The following ANO3 variants were observed in gnomAD, a reference collection of about 807,000 sequenced individuals.
ANO3 encodes anoctamin 3, also known as anoctamin-3.
ANO3 carries 99 observed loss-of-function variants against 144.8 expected under a neutral mutation model. The observed-to-expected ratio is 0.68, with a 90% CI of 0.58 to 0.81. ANO3 has a LOEUF of 0.81. Among genes scored for constraint, ANO3 ranks in the 30% least tolerant of loss-of-function variants. The pLI is 0.00. For synonymous variants in ANO3, 414 were observed against 392.6 expected, an observed-to-expected ratio of 1.05 and a Z score of -0.64; for missense variants, 905 against 1,202.2, an observed-to-expected ratio of 0.75 and a Z score of 3.66.
intron 13 of ANO3, chr11:26,559,118 G>A (rs1590525842): frequency 6.6e-6 from 1 of 152,276 alleles, no homozygotes; most frequent in East Asian, 1.9e-4. Context: ...CATCCTTTAT[G>A]AAGTTTCAGT....
intron 1 of ANO3, among the ~76,000 whole-genome samples, chr11:26,288,660 GA>G (rs1346905549): frequency 6.6e-6 from 1 of 152,132 alleles, no homozygotes; most frequent in Admixed American, 6.5e-5. Flanking sequence ...AATAGGGAAA[GA>G]AAACACCTAA....
intron 11 of ANO3, among the ~76,000 whole-genome samples, chr11:26,544,251 C>CACATATATATA (rs1183023481): frequency 5.2e-5 from 2 of 38,480 alleles, no homozygotes; most frequent in African/African-American, 1.3e-4. Context: ...TTTCATTATA[C>CACATATATATA]ATATATATAT....
chr11:26,196,281 AT>A (rs1177294542), intron 1 of ANO3, among the ~76,000 whole-genome samples: 1 of 152,100 alleles, frequency 6.6e-6, no homozygotes, highest in East Asian at 1.9e-4. Flanking sequence ...TCATTTCTTT[AT>A]TTTCCTCTAA....
Position 26,441,992 on chromosome 11 carries a change from G to C in ANO3, c.121G>C (p.Ala41Pro), listed in dbSNP as rs150999282. 1 of 1,613,936 alleles carries C rather than the reference G, an allele frequency of 6.2e-7. No homozygotes were observed. Among genetic ancestry groups the C allele is most frequent in the Admixed American group, 1.7e-5 (1 of 60,002 alleles). The part of the protein sequence containing the change: ...KPSRRSLPCL[A>P]QSYAYSKSLS... ...GTCTCGGAGATCCCTGCCTTGCCTC[G>C]CCCAGAGCTACGCTTACTCAAAGAG... Residue 41 changes from alanine (A) to proline (P), a missense_variant, in exon 2 of 27, where the codon GCC (alanine) becomes CCC (proline). Physicochemically the swap from Ala to Pro is conservative, Grantham distance 27. This residue lies in a region of ANO3 where 174 missense variants were observed against 171.9 expected (regional missense o/e 1.01). Coordinates refer to ENST00000256737, the MANE Select transcript of ANO3 (RefSeq NM_031418.4).
chr11:26,316,393 A>T (rs977750449), intron 1 of ANO3, among the ~76,000 whole-genome samples: 5 of 152,198 alleles, frequency 3.3e-5, no homozygotes, highest in Admixed American at 6.5e-5. Context: ...TTAACATATC[A>T]TCGGTATGCA....
In ANO3 at chr11:26,553,241, T is replaced by TTTTG; in HGVS notation, c.1290-7_1290-6insTTGT. On this transcript the variant is annotated splice_polypyrimidine_tract_variant and splice_region_variant and intron_variant, in intron 12 of 26. Transcript: ENST00000256737. The stretch of plus-strand genomic sequence containing the variant: ...TTTGTTTTGTTTTTGTTTTTGTTTT[T>TTTTG]TCTCAAGCCAAGAAATTTGTAAAGC... 1.3e-6 allele frequency: 2 copies of TTTTG among 1,549,152 alleles called. No individual in the cohort carries two copies. The highest frequency in any genetic ancestry group is 1.4e-5 in the African/African-American group (1 of 73,290).
At chr11:26,628,406 C>A (rs1183535234) in intron 18 of ANO3, among the ~76,000 whole-genome samples, 1 of 152,106 alleles carries the variant, frequency 6.6e-6, no homozygotes, top group African/African-American at 2.4e-5. Flanking sequence ...AACTTTTCAT[C>A]CGTAATTAGC....
intron 1 of ANO3, among the ~76,000 whole-genome samples, chr11:26,235,528 T>A (rs1286670778): frequency 6.6e-6 from 1 of 152,044 alleles, no homozygotes; most frequent in Non-Finnish European, 1.5e-5. Context: ...ACTGAATGTG[T>A]TAACACATAT....
chr11:26,280,926 T>C (rs1336507547), intron 1 of ANO3, among the ~76,000 whole-genome samples: 1 of 152,114 alleles, frequency 6.6e-6, no homozygotes, highest in Non-Finnish European at 1.5e-5. Context: ...ACATACATGC[T>C]CCTGGGAGCC....
At chr11:26,648,162 T>A (rs1853410200) in intron 24 of ANO3, among the ~76,000 whole-genome samples, 1 of 152,092 alleles carries the variant, frequency 6.6e-6, no homozygotes, top group Non-Finnish European at 1.5e-5. Context: ...ACCATCTAGA[T>A]GGTAAGAAGA....
chr11:26,374,405 T>C (rs952116622), intron 1 of ANO3, among the ~76,000 whole-genome samples: 9 of 152,198 alleles, frequency 5.9e-5, no homozygotes, highest in African/African-American at 2.2e-4. Flanking sequence ...TACTGAAGAT[T>C]ACTGAACACG....
chr11:26,194,479 T>TGTGTGTGTGC (rs1851544085), intron 1 of ANO3, among the ~76,000 whole-genome samples: 1 of 151,164 alleles, frequency 6.6e-6, no homozygotes, highest in African/African-American at 2.4e-5. Context: ...TGTGTGTGTG[T>TGTGTGTGTGC]GTGTGTGTAT....
chr11:26,509,369 G>A (rs953777217), intron 5 of ANO3, among the ~76,000 whole-genome samples: 2 of 151,908 alleles, frequency 1.3e-5, no homozygotes, highest in African/African-American at 2.4e-5. Flanking sequence ...AGGCTGGAGA[G>A]CAGTGGCGCG....
At chr11:26,656,025 A>T (rs1853676544) in intron 24 of ANO3, 100 bp from the exon 25 acceptor site, 2 of 933,316 alleles carry the variant, frequency 2.1e-6, no homozygotes, top group Non-Finnish European at 3.3e-6. Context: ...ATTAGAATGG[A>T]AAGAATAATA....
chr11:26,628,610 A>T (rs1174817038), intron 18 of ANO3, among the ~76,000 whole-genome samples: 1 of 152,224 alleles, frequency 6.6e-6, no homozygotes. Context: ...CGTAGAACCT[A>T]AGTTAAACCT....
chr11:26,486,330 C>T (rs1860446391), intron 4 of ANO3, among the ~76,000 whole-genome samples: 1 of 131,184 alleles, frequency 7.6e-6, no homozygotes, highest in African/African-American at 2.8e-5. Flanking sequence ...CACTGCACTC[C>T]AGTCTGGGCG....
intron 4 of ANO3, among the ~76,000 whole-genome samples, chr11:26,467,408 C>T (rs1331870993): frequency 9.1e-5 from 3 of 32,804 alleles, no homozygotes; most frequent in South Asian, 3.3e-3. Flanking sequence ...TTTTTGTGCC[C>T]ATTTAATCAT....
intron 22 of ANO3, 25 bp from the exon 23 acceptor site, chr11:26,643,157 A>G (rs1216565627): frequency 1.2e-6 from 2 of 1,610,678 alleles, no homozygotes; most frequent in Non-Finnish European, 1.7e-6. Context: ...TTATATAGTA[A>G]TTTCCTAATG....
intron 18 of ANO3, among the ~76,000 whole-genome samples, chr11:26,629,513 G>A (rs1351984008): frequency 6.6e-6 from 1 of 152,088 alleles, no homozygotes; most frequent in Non-Finnish European, 1.5e-5. Context: ...TTTGGCATGC[G>A]TTCATCCATA....
Sources: gnomAD v4.1 joint callset for allele counts (sites outside exome capture counted in the v4.1 genomes callset) on GRCh38, gnomAD v4.1.1 for gene constraint, gnomAD v4.1.1 regional missense constraint, MANE v1.5 for transcripts, NCBI Gene and HGNC (gene_info 2026-07-23, HGNC 2026-07-21) for gene names.